The following POLRMT variants were observed in gnomAD, a reference collection of about 807,000 sequenced individuals.
The protein encoded by POLRMT is DNA-directed RNA polymerase, mitochondrial.
A neutral mutation model predicts 132.2 loss-of-function variants in POLRMT; 114 were observed. That is an observed-to-expected ratio of 0.86 (90% CI 0.74 to 1.01). The LOEUF is 1.01. POLRMT is among the 50% of genes least tolerant of loss of function. The pLI is 0.00. For missense variants in POLRMT, 2,003 were observed against 1,729.1 expected (o/e 1.16, Z -2.81); for synonymous variants, 1,020 against 773.4 (o/e 1.32, Z -5.29).
chr19:618,625 A>C (rs987709139), intron 16 of POLRMT, 39 bp from the exon 17 acceptor site: 15 of 1,594,844 alleles, frequency 9.4e-6, no homozygotes, highest in Non-Finnish European at 1.3e-5. Context: ...CGGCCCAGGG[A>C]CACCCCTAAC....
intron 3 of POLRMT, among the ~76,000 whole-genome samples, chr19:628,592 G>A (rs191686134): frequency 6.6e-6 from 1 of 152,070 alleles, no homozygotes; most frequent in East Asian, 1.9e-4. Context: ...ATTAAGAGAA[G>A]CTTTTACTGT....
chr19:622,769 T>C lies in POLRMT; in HGVS notation c.1456-17A>G. 8 of 1,572,718 alleles carry C rather than the reference T, an allele frequency of 5.1e-6. No homozygotes were observed. Among genetic ancestry groups the C allele is most frequent in the Non-Finnish European group, 6.9e-6 (8 of 1,161,314 alleles). ...CTGCAGGACCTGCGGAAGGCAGCCGTGAGTGCCTGCCCGCCCCGCCCGGGG... is the reference window on the plus strand; with the variant it reads ...CTGCAGGACCTGCGGAAGGCAGCCGCGAGTGCCTGCCCGCCCCGCCCGGGG... On this transcript the variant is annotated splice_polypyrimidine_tract_variant and intron_variant, in intron 7 of 20. Coordinates refer to ENST00000588649, the MANE Select transcript of POLRMT (RefSeq NM_005035.4).
rs1212677402 is a variant in POLRMT, at chr19:619,086, G to C, written c.3178C>G (p.Leu1060Val). Residue 1060 changes from leucine (L) to valine (V), a missense_variant, in exon 15 of 21, where the codon CTC becomes GTC. Physicochemically the swap from Leu to Val is conservative, Grantham distance 32 (BLOSUM62 1). Coordinates refer to ENST00000588649, the MANE Select transcript of POLRMT (RefSeq NM_005035.4). Reference sequence around the variant, plus strand: ...ACCACAGAGCCCATGTGGGAGATGAGGCGGGCACTCTCGGTCAGCCAGTGC... The same window carrying C: ...ACCACAGAGCCCATGTGGGAGATGACGCGGGCACTCTCGGTCAGCCAGTGC... ...IQHWLTESAR[L>V]ISHMGSVVEW... 2 of 1,611,210 alleles carry C rather than the reference G, an allele frequency of 1.2e-6. No homozygotes were observed. The highest frequency in any genetic ancestry group is 1.7e-5 in the Admixed American group (1 of 59,526).
At chr19:623,106 TTCCGGGTAGC>T in intron 6 of POLRMT, 121 bp from the exon 7 acceptor site, 1 of 1,277,764 alleles carries the variant, frequency 7.8e-7, no homozygotes, top group African/African-American at 1.5e-5. Flanking sequence ...CTGCTGTGTG[TTCCGGGTAGC>T]TCCTCACCCC....
chr19:627,110 G>A (rs1445648275), intron 3 of POLRMT, among the ~76,000 whole-genome samples: 2 of 150,696 alleles, frequency 1.3e-5, no homozygotes, highest in Admixed American at 6.6e-5. Context: ...GACATGAGGT[G>A]GCCACACACC....
rs762447167 is a variant in POLRMT at position 619,223 on chromosome 19, G to A, written c.3140C>T (p.Thr1047Ile). 3 of 1,610,972 alleles carry A rather than the reference G, an allele frequency of 1.9e-6. No individual in the cohort carries two copies. Among genetic ancestry groups the A allele is most frequent in the Admixed American group, 1.7e-5 (1 of 59,812 alleles). Residue 1047 changes from threonine to isoleucine, a missense_variant, in exon 14 of 21, where the codon ACC becomes ATC. Thr to Ile is a moderately conservative substitution (Grantham distance 89, BLOSUM62 -1). Transcript: ENST00000588649. ...FKSLQEMFSG[T>I]RAIQHWLTES... ...GACAGGACGTACCTGGATGGCCCGG[G>A]TCCCCGAGAACATCTCCTGTAGACT...
chr19:620,313 C>A, intron 11 of POLRMT, 52 bp downstream of exon 11: 1 of 1,501,732 alleles, frequency 6.7e-7, no homozygotes, highest in Non-Finnish European at 8.9e-7. Context: ...AAGTCGAGCC[C>A]CAGGCCCAGT....
intron 5 of POLRMT, among the ~76,000 whole-genome samples, chr19:623,993 T>C (rs912572038): frequency 6.6e-6 from 1 of 152,214 alleles, no homozygotes; most frequent in African/African-American, 2.4e-5. Context: ...GCCTAGCGCT[T>C]TGAGAATCAA....
chr19:625,301 C>G (rs1164184368), intron 3 of POLRMT, 47 bp from the exon 4 acceptor site: 2 of 1,608,218 alleles, frequency 1.2e-6, no homozygotes, highest in African/African-American at 2.7e-5. Flanking sequence ...GGCCCAACCT[C>G]CACATCCTCC....
In POLRMT at chr19:620,703, G is replaced by C. The variant is rs368203944; in HGVS notation, c.2641-216C>G. Among the ~76,000 whole-genome samples, 5 of 147,336 alleles carry C rather than the reference G, an allele frequency of 3.4e-5. No individual in the cohort carries two copies. The East Asian group carries it at 8.0e-4, about 24-fold the overall frequency. On this transcript the variant is annotated intron_variant, in intron 10 of 20. Transcript: ENST00000588649. ...CTGCGGGTGGACCGGGCTGAAACAA[G>C]CGTGTCCGGAGCTGCCGGGGGAGGA...
chr19:624,686 G>A (rs760628932), intron 5 of POLRMT, 33 bp downstream of exon 5: 2 of 1,599,286 alleles, frequency 1.3e-6, no homozygotes, highest in Admixed American at 1.7e-5. Context: ...CAGCTATAAG[G>A]ACTGAAGTCT....
At chr19:626,721 C>T (rs1042895610) in intron 3 of POLRMT, among the ~76,000 whole-genome samples, 3 of 132,868 alleles carry the variant, frequency 2.3e-5, no homozygotes, top group South Asian at 2.5e-4. Flanking sequence ...ATTAGCTGGG[C>T]GTGGTGGCAC....
intron 1 of POLRMT, 27 bp from the exon 2 acceptor site, chr19:632,965 C>CG (rs983269388): frequency 6.9e-7 from 1 of 1,455,294 alleles, no homozygotes; most frequent in Non-Finnish European, 9.1e-7. Flanking sequence ...AGCGGCTGAG[C>CG]GGGGCCGGGC....
rs1219640073 is a variant in POLRMT at position 629,947 on chromosome 19, G to A, written c.415C>T (p.Arg139Trp). The stretch of plus-strand genomic sequence containing the variant: ...GGCATCTGCAGCTTCGCCTTCAACC[G>A]CTGCATACGCATCTGCTGGGTCCGC... ...DKRTQQMRMQ[R>W]LKAKLQMPFQ... is the part of the protein sequence containing the mutation. Residue 139 changes from arginine to tryptophan, a missense_variant, in exon 3 of 21, where the codon CGG becomes TGG. Physicochemically the swap from Arg to Trp is moderately radical, Grantham distance 101. Coordinates refer to ENST00000588649, the MANE Select transcript of POLRMT (RefSeq NM_005035.4). 2 of 1,613,702 alleles carry A rather than the reference G, an allele frequency of 1.2e-6. No individual in the cohort carries two copies. The highest frequency in any genetic ancestry group is 1.1e-5 in the South Asian group (1 of 91,066).
intron 1 of POLRMT, 33 bp from the exon 2 acceptor site, chr19:632,971 CG>C: frequency 2.8e-6 from 4 of 1,444,870 alleles, no homozygotes; most frequent in Non-Finnish European, 3.7e-6. Flanking sequence ...TGAGCGGGGC[CG>C]GGCGTGTGGG....
chr19:633,160 G>A (rs1985553994), intron 1 of POLRMT: 2 of 590,754 alleles, frequency 3.4e-6, no homozygotes, highest in Admixed American at 3.6e-5. Flanking sequence ...TCGCACTCGA[G>A]GTGCAGCAGG....
intron 5 of POLRMT, 78 bp downstream of exon 5, chr19:624,641 T>C: frequency 6.7e-7 from 1 of 1,492,004 alleles, no homozygotes; most frequent in Non-Finnish European, 9.1e-7. Flanking sequence ...GGAGGCCCAT[T>C]GGTCTGAGCT....
Position 624,925 on chromosome 19 carries a change from C to T in POLRMT, c.954-20G>A, listed in dbSNP as rs1984915104. ...AGACACCTGTGGTGCAGGCGGCCTG[C>T]TCGAGGGACGGGCCAGCCCCACGCT... On this transcript the variant is annotated intron_variant, in intron 4 of 20. Coordinates refer to ENST00000588649, the MANE Select transcript of POLRMT (RefSeq NM_005035.4). The T allele has an allele frequency of 1.9e-6, 3 of 1,591,970 alleles. No individual in the cohort carries two copies. Among genetic ancestry groups the T allele is most frequent in the Non-Finnish European group, 2.6e-6 (3 of 1,166,256 alleles).
intron 10 of POLRMT, 89 bp from the exon 11 acceptor site, chr19:620,576 G>A (rs55923754): frequency 1.1e-5 from 15 of 1,415,548 alleles, no homozygotes; most frequent in East Asian, 7.6e-5. Flanking sequence ...TGGGAAATGG[G>A]GAGGAGACGC....
Sources: allele counts gnomAD v4.1 joint callset (sites outside exome capture counted in the v4.1 genomes callset), GRCh38; gene constraint gnomAD v4.1.1; transcripts MANE v1.5; gene names NCBI Gene and HGNC (gene_info 2026-07-23, HGNC 2026-07-21).